The following NUP107 variants were observed in gnomAD, a reference collection of about 807,000 sequenced individuals.
NUP107 encodes nuclear pore complex protein Nup107.
Under a neutral mutation model 141.0 loss-of-function variants are expected in NUP107, and 101 were observed. That is an observed-to-expected ratio of 0.72 (90% confidence interval 0.61 to 0.84). The LOEUF is 0.84. Among genes scored for constraint, NUP107 ranks in the 40% least tolerant of loss-of-function variants. NUP107 has a pLI of 0.00. For missense variants in NUP107, 941 were observed against 1,102.7 expected, an observed-to-expected ratio of 0.85 and a Z score of 2.08; for synonymous variants, 319 against 363.9, an observed-to-expected ratio of 0.88 and a Z score of 1.41.
chr12:68,712,487 A>C (rs905045051), intron 10 of NUP107, among the ~76,000 whole-genome samples: 1 of 151,724 alleles, frequency 6.6e-6, no homozygotes, highest in Non-Finnish European at 1.5e-5. Context: ...TATGTGTACA[A>C]AGTCTGTAAG....
At position 68,732,551 on chromosome 12, in the gene NUP107, T is replaced by C. The variant is rs527898021; in HGVS notation, c.1999-86T>C. On this transcript the variant is annotated intron_variant, in intron 22 of 27. Transcript: ENST00000229179. ...AAATGATGTTTACTGGAAGTACAGG[T>C]GTAAGTTAATTCTACTAATTTGTAG... 35 of 663,206 alleles carry C rather than the reference T, an allele frequency of 5.3e-5. 1 individual carries two copies. In the South Asian group the frequency reaches 7.2e-4, roughly 14 times the overall value. 41.1% of individuals were successfully genotyped at this position (663,206 alleles called of 1,614,324 possible).
At chr12:68,735,388 C>A (rs2136049118) in intron 26 of NUP107, 44 bp downstream of exon 26, 2 of 1,327,836 alleles carry the variant, frequency 1.5e-6, no homozygotes, top group Non-Finnish European at 2.2e-6. Context: ...AAAACACTCA[C>A]CATGTTCTTT....
At chr12:68,736,827 A>G (rs1001084494) in intron 26 of NUP107, among the ~76,000 whole-genome samples, 18 of 143,396 alleles carry the variant, frequency 1.3e-4, no homozygotes, top group African/African-American at 4.1e-4. Flanking sequence ...TCAGCCTCCC[A>G]AGTAGCTGGG....
rs983972551 is a variant in NUP107 at position 68,743,216 on chromosome 12, G to A, written c.*754G>A. On this transcript the variant is annotated 3_prime_UTR_variant, in exon 28 of 28. Transcript: ENST00000229179. ...AGTTTGAGACCAGCCTGGCCAACAT[G>A]GTGAAACCCTGTCTCTACTAAAAAA... is the stretch of plus-strand genomic sequence containing the variant. 1 of 152,320 alleles carries A rather than the reference G, an allele frequency of 6.6e-6. No individual in the cohort carries two copies. Among genetic ancestry groups the A allele is most frequent in the African/African-American group, 2.4e-5 (1 of 41,452 alleles). 9.4% of individuals were successfully genotyped at this position (152,320 alleles called of 1,614,324 possible). A position where few individuals can be genotyped will look rare whatever the true frequency, so the allele number is the denominator to read the frequency against.
rs1435331997 is a variant in NUP107 at position 68,696,700 on chromosome 12, T to C, written c.449-119T>C. On this transcript the variant is annotated intron_variant, in intron 5 of 27. Transcript: ENST00000229179. ...TGCACTCCACCCTGGACAACAAGAG[T>C]GAAACTCCATCTCAAAAAATAAATA... 3 of 595,616 alleles carry C rather than the reference T, an allele frequency of 5.0e-6. No homozygotes were observed. The African/African-American group carries it at 5.6e-5, about 11-fold the overall frequency. The allele number at this position is 595,616 out of a possible 1,614,324, so 36.9% of individuals were successfully genotyped here.
intron 5 of NUP107, among the ~76,000 whole-genome samples, chr12:68,694,527 G>A (rs1000246108): frequency 1.8e-4 from 28 of 152,148 alleles, no homozygotes; most frequent in Non-Finnish European, 7.3e-5. Flanking sequence ...TATCTGCTTA[G>A]GGGTTAATAT....
intron 6 of NUP107, among the ~76,000 whole-genome samples, chr12:68,698,975 CAG>C (rs1277565736): frequency 6.6e-6 from 1 of 151,962 alleles, no homozygotes; most frequent in African/African-American, 2.4e-5. Flanking sequence ...TCAGTTGTAA[CAG>C]ATATACCATT....
chr12:68,735,808 T>C (rs1318733755), intron 26 of NUP107, among the ~76,000 whole-genome samples: 1 of 152,204 alleles, frequency 6.6e-6, no homozygotes, highest in East Asian at 1.9e-4. Context: ...TTTGTTTTTT[T>C]AATCACTTGC....
chr12:68,695,630 G>A (rs762907102), intron 5 of NUP107, among the ~76,000 whole-genome samples: 7 of 152,196 alleles, frequency 4.6e-5, no homozygotes, highest in Non-Finnish European at 2.9e-5. Flanking sequence ...GGAGAGTGGG[G>A]AGTTAATGTT....
chr12:68,722,365 G>A (rs1454803230), intron 17 of NUP107, among the ~76,000 whole-genome samples: 1 of 151,870 alleles, frequency 6.6e-6, no homozygotes, highest in Non-Finnish European at 1.5e-5. Flanking sequence ...GTATATGCAC[G>A]TAAGCTATAT....
intron 20 of NUP107, among the ~76,000 whole-genome samples, chr12:68,728,549 G>A (rs1592517790): frequency 6.9e-6 from 1 of 145,304 alleles, no homozygotes; most frequent in South Asian, 2.3e-4. Context: ...TCAGCCTCCC[G>A]AGTAGCTGGG....
At chr12:68,716,535 C>T (rs1181462735) in intron 12 of NUP107, among the ~76,000 whole-genome samples, 1 of 152,080 alleles carries the variant, frequency 6.6e-6, no homozygotes, top group African/African-American at 2.4e-5. Context: ...CTGACCCAAT[C>T]TTCATTATTT....
At chr12:68,733,706 G>C (rs113053329) in intron 24 of NUP107, 94 bp downstream of exon 24, 4 of 1,271,142 alleles carry the variant, frequency 3.1e-6, no homozygotes, top group African/African-American at 3.0e-5. Context: ...AAGTAGTGTT[G>C]GTTCATCTTA....
intron 12 of NUP107, among the ~76,000 whole-genome samples, chr12:68,716,073 T>C (rs190100837): frequency 1.4e-4 from 21 of 152,094 alleles, no homozygotes; most frequent in Non-Finnish European, 2.4e-4. Context: ...TTGTTTTTTT[T>C]TTGAGACAGT....
intron 26 of NUP107, among the ~76,000 whole-genome samples, chr12:68,738,945 G>C (rs12298746): frequency 0.12 from 17,785 of 151,618 alleles, 1,075 homozygotes; most frequent in East Asian, 0.23. Context: ...ATGTACAAGA[G>C]TATACATACT....
chr12:68,709,851 T>G (rs940433113), intron 9 of NUP107, among the ~76,000 whole-genome samples, 154 bp from the exon 10 acceptor site: 3 of 151,092 alleles, frequency 2.0e-5, no homozygotes, highest in Non-Finnish European at 4.4e-5. Context: ...ATTATGCCAC[T>G]GCACTCCAGC....
chr12:68,719,697 A>G (rs771035810), intron 14 of NUP107, 43 bp downstream of exon 14: 1 of 1,353,838 alleles, frequency 7.4e-7, no homozygotes, highest in South Asian at 1.2e-5. Context: ...TTTAACTCCA[A>G]TTAATTGAAA....
chr12:68,723,129 C>T (rs1322853731), intron 17 of NUP107, among the ~76,000 whole-genome samples: 1 of 152,030 alleles, frequency 6.6e-6, no homozygotes, highest in Non-Finnish European at 1.5e-5. Context: ...AATCCCAGCA[C>T]TTGGGAGGCC....
chr12:68,741,622 A>C (rs918127373), intron 26 of NUP107, among the ~76,000 whole-genome samples, 191 bp from the exon 27 acceptor site: 18 of 152,210 alleles, frequency 1.2e-4, no homozygotes, highest in African/African-American at 4.1e-4. Context: ...GTTTATTAGA[A>C]ATACAAATGC....
Sources: gnomAD v4.1 joint callset for allele counts (sites outside exome capture counted in the v4.1 genomes callset) on GRCh38, gnomAD v4.1.1 for gene constraint, MANE v1.5 for transcripts, NCBI Gene and HGNC (gene_info 2026-07-23, HGNC 2026-07-21) for gene names.